The following FAXDC2 variants were observed in gnomAD, a reference collection of about 807,000 sequenced individuals.
FAXDC2 encodes fatty acid hydroxylase domain-containing protein 2.
Under a neutral mutation model 40.9 loss-of-function variants are expected in FAXDC2, and 41 were observed. The observed-to-expected ratio is 1.00, with a 90% CI of 0.78 to 1.30. The LOEUF is 1.30. Ranked by LOEUF, FAXDC2 falls within the 50% of genes most tolerant of loss-of-function variation. The probability of loss-of-function intolerance (pLI) is 0.00; values close to 1 mark genes in which losing one functional copy is unlikely to be tolerated. For missense variants in FAXDC2, 390 were observed against 408.8 expected (o/e 0.95, Z 0.40); for synonymous variants, 157 against 149.3 (o/e 1.05, Z -0.38).
intron 2 of FAXDC2, 101 bp from the exon 3 acceptor site, chr5:154,835,035 A>C: frequency 1.2e-5 from 9 of 746,332 alleles, no homozygotes; most frequent in Non-Finnish European, 1.9e-5. Context: ...TCAGCATCTC[A>C]ACCAACCAGG....
intron 1 of FAXDC2, among the ~76,000 whole-genome samples, chr5:154,848,295 G>A (rs1760652373): frequency 6.6e-6 from 1 of 152,192 alleles, no homozygotes; most frequent in Non-Finnish European, 1.5e-5. Context: ...CATTTTATAA[G>A]CTAAGGAGGA....
chr5:154,832,141 G>A (rs1175232521), intron 4 of FAXDC2, among the ~76,000 whole-genome samples: 1 of 151,852 alleles, frequency 6.6e-6, no homozygotes, highest in African/African-American at 2.4e-5. Flanking sequence ...TAAGACAGTG[G>A]GTGATTTTCA....
chr5:154,832,688 G>A (rs987919544), intron 4 of FAXDC2, among the ~76,000 whole-genome samples: 1 of 152,134 alleles, frequency 6.6e-6, no homozygotes, highest in African/African-American at 2.4e-5. Context: ...CTTAAAATTG[G>A]AAATATTTTC....
chr5:154,824,715 C>T (rs1434425805), intron 5 of FAXDC2: 5 of 588,250 alleles, frequency 8.5e-6, no homozygotes, highest in African/African-American at 7.4e-5. Context: ...GAAAATAAAG[C>T]ATGAGCAAAA....
At position 154,824,449 on chromosome 5, in the gene FAXDC2, T is replaced by A. The variant is rs544024111; in HGVS notation, c.367-857A>T. The A allele has an allele frequency of 4.3e-6, 3 of 702,262 alleles. No homozygotes were observed. In the Admixed American group the frequency reaches 6.0e-5, roughly 14 times the overall value. The allele number at this position is 702,262 out of a possible 1,614,324, so 43.5% of individuals were successfully genotyped here. A position where few individuals can be genotyped will look rare whatever the true frequency, so the allele number is the denominator to read the frequency against. On this transcript the variant is annotated intron_variant, in intron 5 of 8. Coordinates refer to ENST00000326080, the MANE Select transcript of FAXDC2 (RefSeq NM_032385.5). ...CGACAGGTTCAGAATGGTCCCCAGCTTGAGGCCTGCCTCTTCCTCCAGCCT... is the reference window on the plus strand; with the variant it reads ...CGACAGGTTCAGAATGGTCCCCAGCATGAGGCCTGCCTCTTCCTCCAGCCT...
chr5:154,842,374 AT>A (rs1280902160), intron 1 of FAXDC2, among the ~76,000 whole-genome samples: 126 of 116,060 alleles, frequency 1.1e-3, no homozygotes, highest in Non-Finnish European at 1.1e-3. Context: ...ATTTTTTTGT[AT>A]TTTTTTTTTT....
chr5:154,835,592 G>GT (rs1327950351), intron 2 of FAXDC2, among the ~76,000 whole-genome samples: 2 of 151,696 alleles, frequency 1.3e-5, no homozygotes, highest in African/African-American at 4.8e-5. Context: ...TTGTTTTTTT[G>GT]TTTTTTGAGA....
At position 154,830,828 on chromosome 5, in the gene FAXDC2, G is replaced by A. The variant is rs1760169956; in HGVS notation, c.339C>T (p.Tyr113=). ...GTTCATTCTTGCCGACCTGAATTCGGTAGCGAGAGATGAAGTTAGGTTTTC... is the reference window on the plus strand; with the variant it reads ...GTTCATTCTTGCCGACCTGAATTCGATAGCGAGAGATGAAGTTAGGTTTTC... ...TTGKPNFISR[Y]RIQVGKNEPV... The change falls in exon 5 of 9, where the codon TAC becomes TAT. Residue 113 remains tyrosine (Y), a synonymous_variant. Coordinates refer to ENST00000326080, the MANE Select transcript of FAXDC2 (RefSeq NM_032385.5). 2 of 1,614,020 alleles carry A rather than the reference G, an allele frequency of 1.2e-6. No individual in the cohort carries two copies. The highest frequency in any genetic ancestry group is 2.7e-5 in the African/African-American group (2 of 74,920).
intron 1 of FAXDC2, among the ~76,000 whole-genome samples, chr5:154,843,689 A>G (rs1189834166): frequency 1.3e-5 from 2 of 152,220 alleles, no homozygotes; most frequent in African/African-American, 2.4e-5. Context: ...CCATAGTTAA[A>G]CAAGATAGAT....
In FAXDC2 at chr5:154,824,650, A is replaced by C. The variant is rs1582520817; in HGVS notation, c.367-1058T>G. On this transcript the variant is annotated intron_variant, in intron 5 of 8. Transcript: ENST00000326080. ...ATCACATCTATCTATTCATTTATTTATTTAACTGATATTTATTGAGTACCC... is the reference window on the plus strand; with the variant it reads ...ATCACATCTATCTATTCATTTATTTCTTTAACTGATATTTATTGAGTACCC... The C allele has an allele frequency of 1.2e-5, 8 of 687,706 alleles. No individual in the cohort carries two copies. In the East Asian group the frequency reaches 2.2e-4, roughly 19 times the overall value. The allele number at this position is 687,706 out of a possible 1,614,324, so 42.6% of individuals were successfully genotyped here.
intron 5 of FAXDC2, among the ~76,000 whole-genome samples, chr5:154,827,457 GTGTA>G (rs1356157196): frequency 6.6e-6 from 1 of 150,686 alleles, no homozygotes; most frequent in Admixed American, 6.6e-5. Flanking sequence ...GTGTGTGTGT[GTGTA>G]TGTCTGTTTT....
intron 2 of FAXDC2, among the ~76,000 whole-genome samples, chr5:154,835,925 GCT>G (rs1760335893): frequency 1.1e-5 from 1 of 94,400 alleles, no homozygotes; most frequent in Non-Finnish European, 1.9e-5. Context: ...AGGCAGTGTT[GCT>G]CTGTCACCCA....
Position 154,831,531 on chromosome 5 carries a change from C to A in FAXDC2, c.245-609G>T, listed in dbSNP as rs150339894. 3.2e-3 allele frequency among the ~76,000 whole-genome samples: 483 copies of A among 152,050 alleles called. 3 individuals are homozygous for A. Among genetic ancestry groups the A allele is most frequent in the African/African-American group, 0.011 (470 of 41,438 alleles). On this transcript the variant is annotated intron_variant, in intron 4 of 8. Transcript: ENST00000326080. ...GTTGTGTGATCATGGCTCACTGTAGCCTCGACCTGCCAAGCCGAAGTGATC... is the reference window on the plus strand; with the variant it reads ...GTTGTGTGATCATGGCTCACTGTAGACTCGACCTGCCAAGCCGAAGTGATC...
intron 7 of FAXDC2, chr5:154,822,257 CAAAAA>C (rs1759908355): frequency 1.9e-6 from 1 of 525,512 alleles, no homozygotes; most frequent in Non-Finnish European, 3.4e-6. Context: ...GACCCTGTCT[CAAAAA>C]GAAAAAAAGA....
At chr5:154,825,932 G>C (rs1760022953) in intron 5 of FAXDC2, among the ~76,000 whole-genome samples, 2 of 152,096 alleles carry the variant, frequency 1.3e-5, no homozygotes, top group Admixed American at 1.3e-4. Context: ...GCTTTGGCAG[G>C]ACGATCAGAA....
rs1385366290 is a variant in FAXDC2 at position 154,819,315 on chromosome 5, A to G, written c.*1001T>C. 3 of 152,180 alleles carry G rather than the reference A, an allele frequency of 2.0e-5. No individual in the cohort carries two copies. The highest frequency in any genetic ancestry group is 7.2e-5 in the African/African-American group (3 of 41,446). The allele number at this position is 152,180 out of a possible 1,614,324, so 9.4% of individuals were successfully genotyped here. On this transcript the variant is annotated 3_prime_UTR_variant, in exon 9 of 9. Transcript: ENST00000326080. The stretch of plus-strand genomic sequence containing the variant: ...CCAAGCAGCTGTGGTTTTGCCTTTG[A>G]TAAGGTTCCTGGTAAAAATCATCTT...
chr5:154,839,624 C>T (rs964083963), intron 1 of FAXDC2, among the ~76,000 whole-genome samples: 16 of 150,322 alleles, frequency 1.1e-4, no homozygotes, highest in Admixed American at 8.0e-4. Flanking sequence ...CCAGCCTGGA[C>T]GACAGAGTGT....
intron 4 of FAXDC2, among the ~76,000 whole-genome samples, chr5:154,832,023 T>G (rs2113144942): frequency 6.6e-6 from 1 of 152,218 alleles, no homozygotes; most frequent in South Asian, 2.1e-4. Context: ...CTACAATCTA[T>G]TCAATGAAAA....
intron 1 of FAXDC2, among the ~76,000 whole-genome samples, chr5:154,841,913 T>C (rs1760483501): frequency 6.6e-6 from 1 of 152,048 alleles, no homozygotes; most frequent in African/African-American, 2.4e-5. Context: ...TTTTTTTGTA[T>C]TTTTAGTAGA....
Sources: allele counts gnomAD v4.1 joint callset (sites outside exome capture counted in the v4.1 genomes callset), GRCh38; gene constraint gnomAD v4.1.1; transcripts MANE v1.5; gene names NCBI Gene and HGNC (gene_info 2026-07-23, HGNC 2026-07-21).